Variants in LRRTM3 observed in about 807,000 individuals in gnomAD.
The protein encoded by LRRTM3 is leucine rich repeat transmembrane neuronal 3.
In LRRTM3, 24 loss-of-function variants were observed where a neutral mutation model predicts 44.7. That is an observed-to-expected ratio of 0.54 (90% CI 0.39 to 0.76). The LOEUF is 0.76. Ranked by LOEUF, LRRTM3 falls within the 30% of genes least tolerant of loss-of-function variation. LRRTM3 has a pLI of 0.00. For missense variants in LRRTM3, 587 were observed against 702.2 expected, an observed-to-expected ratio of 0.84 and a Z score of 1.85; for synonymous variants, 277 against 278.7, an observed-to-expected ratio of 0.99 and a Z score of 0.06.
At chr10:66,958,328 A>T (rs1014111335) in intron 2 of LRRTM3, among the ~76,000 whole-genome samples, 1 of 141,914 alleles carries the variant, frequency 7.0e-6, no homozygotes, top group African/African-American at 2.6e-5. Flanking sequence ...AAAAAAAAAA[A>T]AAAAAATGCC....
chr10:67,037,287 C>T (rs934198533), intron 2 of LRRTM3, among the ~76,000 whole-genome samples: 1 of 151,704 alleles, frequency 6.6e-6, no homozygotes, highest in Non-Finnish European at 1.5e-5. Flanking sequence ...TTAATGCCAT[C>T]CTTTCTCTTC....
intron 2 of LRRTM3, among the ~76,000 whole-genome samples, chr10:66,979,756 A>C (rs1564809331): frequency 6.6e-6 from 1 of 152,192 alleles, no homozygotes. Flanking sequence ...CTTTATCACT[A>C]TCATAATAGA....
chr10:67,037,834 A>G (rs1341162483), intron 2 of LRRTM3, among the ~76,000 whole-genome samples: 4 of 152,134 alleles, frequency 2.6e-5, no homozygotes, highest in Non-Finnish European at 5.9e-5. Flanking sequence ...TTTGAGATGT[A>G]TTGGTAAATT....
At chr10:67,074,818 T>TTATG (rs140973701) in intron 2 of LRRTM3, among the ~76,000 whole-genome samples, 20,635 of 151,976 alleles carry the variant, frequency 0.14, 1,853 homozygotes, top group African/African-American at 0.26. Context: ...CATAATTTAT[T>TTATG]TATGTATGTA....
At chr10:67,063,248 G>A (rs1404056036) in intron 2 of LRRTM3, among the ~76,000 whole-genome samples, 1 of 152,116 alleles carries the variant, frequency 6.6e-6, no homozygotes, top group Non-Finnish European at 1.5e-5. Flanking sequence ...TAACTCTGAT[G>A]CAAGATCACA....
chr10:67,064,055 C>G (rs1300002368), intron 2 of LRRTM3, among the ~76,000 whole-genome samples: 1 of 152,164 alleles, frequency 6.6e-6, no homozygotes, highest in Non-Finnish European at 1.5e-5. Flanking sequence ...ATATACCTGA[C>G]GCTTCAGCTT....
At chr10:67,079,496 A>G (rs552722623) in intron 2 of LRRTM3, among the ~76,000 whole-genome samples, 56 of 152,332 alleles carry the variant, frequency 3.7e-4, no homozygotes, top group South Asian at 1.9e-3. Flanking sequence ...GAAACAATAG[A>G]AAAGGCAAAG....
intron 2 of LRRTM3, among the ~76,000 whole-genome samples, chr10:67,028,562 T>C (rs1320550133): frequency 6.6e-6 from 1 of 151,208 alleles, no homozygotes; most frequent in African/African-American, 2.4e-5. Flanking sequence ...AAATAGAATG[T>C]AGTTATGTCA....
At chr10:66,958,437 T>C (rs1319008058) in intron 2 of LRRTM3, among the ~76,000 whole-genome samples, 1 of 142,070 alleles carries the variant, frequency 7.0e-6, no homozygotes, top group Non-Finnish European at 1.5e-5. Flanking sequence ...ACTATAGTTC[T>C]GCCTTTGTAG....
At chr10:66,939,044 C>T (rs540890609) in intron 2 of LRRTM3, among the ~76,000 whole-genome samples, 1 of 152,114 alleles carries the variant, frequency 6.6e-6, no homozygotes, top group African/African-American at 2.4e-5. Context: ...TCCTCTCTTA[C>T]CCACACCAAG....
intron 2 of LRRTM3, among the ~76,000 whole-genome samples, chr10:67,009,052 T>G (rs1293833566): frequency 6.6e-6 from 1 of 152,150 alleles, no homozygotes; most frequent in Non-Finnish European, 1.5e-5. Context: ...GTGGGAAAAC[T>G]AACCTCATTT....
chr10:66,959,563 C>T (rs1429989754), intron 2 of LRRTM3, among the ~76,000 whole-genome samples: 1 of 152,072 alleles, frequency 6.6e-6, no homozygotes, highest in Admixed American at 6.6e-5. Flanking sequence ...AGAGAATTAA[C>T]CTCTCTGGGA....
rs530234265 is a variant in LRRTM3, at chr10:67,025,606, C to A, written c.1537-71981C>A. Among the ~76,000 whole-genome samples, 4 of 152,034 alleles carry A rather than the reference C, an allele frequency of 2.6e-5. No individual in the cohort carries two copies. In the South Asian group the frequency reaches 8.3e-4, roughly 32 times the overall value. On this transcript the variant is annotated intron_variant, in intron 2 of 2. Coordinates refer to ENST00000361320, the MANE Select transcript of LRRTM3 (RefSeq NM_178011.5). ...CGGTTTCTGACTTTTTTCTTTAACC[C>A]CTGGAGGAAGAATATTTTTAAAATC...
chr10:67,050,781 G>A (rs1855043442), intron 2 of LRRTM3, among the ~76,000 whole-genome samples: 1 of 152,212 alleles, frequency 6.6e-6, no homozygotes, highest in South Asian at 2.1e-4. Context: ...TTAAAATGAG[G>A]TAGGTTGTGA....
intron 2 of LRRTM3, among the ~76,000 whole-genome samples, chr10:67,053,042 T>C (rs945337315): frequency 2.6e-5 from 4 of 152,192 alleles, no homozygotes; most frequent in African/African-American, 9.7e-5. Context: ...AAATTTAGTC[T>C]ATAACACATA....
rs908408558 is a variant in LRRTM3, at chr10:67,094,519, A to G, written c.1537-3068A>G. Among the ~76,000 whole-genome samples, 11 of 151,814 alleles carry G rather than the reference A, an allele frequency of 7.2e-5. 1 individual carries two copies. The East Asian group carries it at 9.7e-4, about 13-fold the overall frequency. Reference sequence around the variant, plus strand: ...ATTACTGGCCATATTCTATACCTAAATCACTTGGTCCTTCCACTGATATTT... The same window carrying G: ...ATTACTGGCCATATTCTATACCTAAGTCACTTGGTCCTTCCACTGATATTT... On this transcript the variant is annotated intron_variant, in intron 2 of 2. Coordinates refer to ENST00000361320, the MANE Select transcript of LRRTM3 (RefSeq NM_178011.5).
At chr10:66,967,431 T>G (rs1439706529) in intron 2 of LRRTM3, among the ~76,000 whole-genome samples, 1 of 151,836 alleles carries the variant, frequency 6.6e-6, no homozygotes, top group Non-Finnish European at 1.5e-5. Flanking sequence ...TATATACACA[T>G]AGCATGCATA....
At chr10:67,096,761 T>C (rs1858018041) in intron 2 of LRRTM3, among the ~76,000 whole-genome samples, 1 of 151,860 alleles carries the variant, frequency 6.6e-6, no homozygotes, top group South Asian at 2.1e-4. Context: ...TTTCTTTAGT[T>C]GGCAAGGGAG....
intron 2 of LRRTM3, among the ~76,000 whole-genome samples, chr10:66,930,952 T>C (rs1001252263): frequency 3.9e-5 from 6 of 152,174 alleles, no homozygotes; most frequent in African/African-American, 1.4e-4. Flanking sequence ...AGCACAGATA[T>C]ATAATTCTTG....
Sources: allele counts gnomAD v4.1 joint callset (sites outside exome capture counted in the v4.1 genomes callset), GRCh38; gene constraint gnomAD v4.1.1; transcripts MANE v1.5; gene names NCBI Gene and HGNC (gene_info 2026-07-23, HGNC 2026-07-21).